Variants in SLC7A1 observed in about 807,000 individuals in gnomAD.
SLC7A1 encodes the protein high affinity cationic amino acid transporter 1.
A neutral mutation model predicts 53.9 loss-of-function variants in SLC7A1; 10 were observed. The observed-to-expected ratio is 0.19, with a 90% CI of 0.11 to 0.31. The LOEUF (loss-of-function observed/expected upper bound fraction) is 0.31, where lower values mean the gene tolerates loss of function less well. Among genes scored for constraint, SLC7A1 ranks in the 10% least tolerant of loss-of-function variants. SLC7A1 has a pLI of 1.00. For synonymous variants in SLC7A1, 342 were observed against 338.7 expected, an observed-to-expected ratio of 1.01 and a Z score of -0.11; for missense variants, 525 against 827.2, an observed-to-expected ratio of 0.63 and a Z score of 4.48.
At chr13:29,590,878 T>C (rs115357129) in intron 1 of SLC7A1, among the ~76,000 whole-genome samples, 2,826 of 152,230 alleles carry the variant, frequency 0.019, 77 homozygotes, top group African/African-American at 0.065. Flanking sequence ...GCGAGGCAGG[T>C]GGATCACTTG....
intron 1 of SLC7A1, among the ~76,000 whole-genome samples, chr13:29,585,876 T>C (rs1271712065): frequency 6.6e-6 from 1 of 152,200 alleles, no homozygotes; most frequent in African/African-American, 2.4e-5. Context: ...GCTGCATTTT[T>C]AGATAACTAT....
At chr13:29,535,572 C>T (rs891693004) in intron 3 of SLC7A1, among the ~76,000 whole-genome samples, 2 of 152,172 alleles carry the variant, frequency 1.3e-5, no homozygotes, top group East Asian at 3.9e-4. Flanking sequence ...CAGGGTATTT[C>T]TACTTTCTTC....
rs2776948 is a variant in SLC7A1 at position 29,570,405 on chromosome 13, G to A, written c.-114-16545C>T. ...CGCTGTGTGAACTTGAACAAGTTAC[G>A]CTATGTTGCTGTTTCAGTTCTACCA... On this transcript the variant is annotated intron_variant, in intron 1 of 12. Coordinates refer to ENST00000380752, the MANE Select transcript of SLC7A1 (RefSeq NM_003045.5). Among the ~76,000 whole-genome samples the A allele has an allele frequency of 4.6e-5, 7 of 152,304 alleles. No homozygotes were observed. In the East Asian group the frequency reaches 1.3e-3, roughly 29 times the overall value.
intron 2 of SLC7A1, among the ~76,000 whole-genome samples, chr13:29,544,913 C>T (rs1353760825): frequency 6.6e-6 from 1 of 151,388 alleles, no homozygotes; most frequent in Non-Finnish European, 1.5e-5. Flanking sequence ...TCGGCCCCCT[C>T]AAGATGCTCC....
intron 1 of SLC7A1, among the ~76,000 whole-genome samples, chr13:29,564,724 G>A (rs1032705152): frequency 1.3e-5 from 2 of 152,214 alleles, no homozygotes; most frequent in African/African-American, 2.4e-5. Flanking sequence ...AGCTGAATAA[G>A]CCTGGGCAAA....
At chr13:29,591,389 T>A (rs1467325815) in intron 1 of SLC7A1, among the ~76,000 whole-genome samples, 2 of 152,214 alleles carry the variant, frequency 1.3e-5, no homozygotes, top group African/African-American at 4.8e-5. Flanking sequence ...GGCTCTGCTC[T>A]TTCTGCCAGT....
chr13:29,552,584 G>A (rs1294871125), intron 2 of SLC7A1, among the ~76,000 whole-genome samples: 1 of 152,126 alleles, frequency 6.6e-6, no homozygotes, highest in African/African-American at 2.4e-5. Flanking sequence ...GGCCCACCGA[G>A]GATGGAAAAC....
intron 8 of SLC7A1, among the ~76,000 whole-genome samples, chr13:29,521,864 G>C (rs1363824460): frequency 6.6e-6 from 1 of 152,152 alleles, no homozygotes; most frequent in Non-Finnish European, 1.5e-5. Flanking sequence ...TACTCTCTGG[G>C]GAAGAGGCGG....
At chr13:29,565,082 CTTAA>C (rs1259644656) in intron 1 of SLC7A1, among the ~76,000 whole-genome samples, 1 of 152,180 alleles carries the variant, frequency 6.6e-6, no homozygotes, top group Non-Finnish European at 1.5e-5. Flanking sequence ...ATAATCAGCT[CTTAA>C]TTAATGGTTT....
chr13:29,517,064 G>A, intron 11 of SLC7A1, 80 bp downstream of exon 11: 2 of 1,384,326 alleles, frequency 1.4e-6, no homozygotes, highest in Non-Finnish European at 1.9e-6. Flanking sequence ...AGGCCCGGCT[G>A]AGCCCACGCA....
At chr13:29,586,039 A>C (rs1871866008) in intron 1 of SLC7A1, among the ~76,000 whole-genome samples, 1 of 152,260 alleles carries the variant, frequency 6.6e-6, no homozygotes. Flanking sequence ...AAGTAAGAAG[A>C]AGCTGTAATT....
chr13:29,532,846 C>A lies in SLC7A1; in HGVS notation c.507G>T (p.Val169=). Reference sequence around the variant, plus strand: ...TACCTGTCAAGATGAGAATTATGATCACTGCGAATATGTCGGGGTTTTCAG... The same window carrying A: ...TACCTGTCAAGATGAGAATTATGATAACTGCGAATATGTCGGGGTTTTCAG... ...VLAENPDIFA[V]IIILILTGLL... is the part of the protein sequence containing the mutation. Residue 169 remains valine (V), a synonymous_variant, in exon 4 of 13, where the codon GTG becomes GTT. Coordinates refer to ENST00000380752, the MANE Select transcript of SLC7A1 (RefSeq NM_003045.5). 1 of 1,613,224 alleles carries A rather than the reference C, an allele frequency of 6.2e-7. No homozygotes were observed. Among genetic ancestry groups the A allele is most frequent in the South Asian group, 1.1e-5 (1 of 90,890 alleles).
Position 29,562,459 on chromosome 13 carries a change from A to G in SLC7A1, c.-114-8599T>C, listed in dbSNP as rs139102989. 1.8e-3 allele frequency among the ~76,000 whole-genome samples: 275 copies of G among 152,316 alleles called. 3 individuals are homozygous for G. The highest frequency in any genetic ancestry group is 6.3e-3 in the African/African-American group (261 of 41,574). On this transcript the variant is annotated intron_variant, in intron 1 of 12. Coordinates refer to ENST00000380752, the MANE Select transcript of SLC7A1 (RefSeq NM_003045.5). ...GCTCAAAGGAAACGCTCGCTGGAGC[A>G]TTTTCAGTTTCAGACTTTTTTGGAT...
intron 1 of SLC7A1, among the ~76,000 whole-genome samples, chr13:29,562,528 G>A (rs946793137): frequency 4.6e-5 from 7 of 152,140 alleles, no homozygotes; most frequent in Non-Finnish European, 8.8e-5. Flanking sequence ...AGTTCAATCT[G>A]AAAAAATCCC....
intron 1 of SLC7A1, among the ~76,000 whole-genome samples, chr13:29,576,663 C>A (rs1490709235): frequency 2.0e-5 from 3 of 151,972 alleles, no homozygotes; most frequent in Middle Eastern, 3.2e-3. Flanking sequence ...CTGTGGGCTT[C>A]CAGGACAACA....
chr13:29,526,511 T>C (rs1566256096), intron 5 of SLC7A1, among the ~76,000 whole-genome samples: 1 of 151,820 alleles, frequency 6.6e-6, no homozygotes, highest in South Asian at 2.1e-4. Context: ...TTTTAAAAAT[T>C]AAAAAATAAA....
chr13:29,538,770 C>T (rs1593552864), intron 2 of SLC7A1, among the ~76,000 whole-genome samples: 2 of 152,344 alleles, frequency 1.3e-5, no homozygotes, highest in African/African-American at 4.8e-5. Flanking sequence ...TGCAACATAG[C>T]CCTCAGCTGA....
chr13:29,550,044 T>C (rs1870103051), intron 2 of SLC7A1, among the ~76,000 whole-genome samples: 1 of 152,208 alleles, frequency 6.6e-6, no homozygotes. Flanking sequence ...CTCTGCAGTC[T>C]CCACTGCCAC....
At chr13:29,571,483 C>T (rs553862457) in intron 1 of SLC7A1, among the ~76,000 whole-genome samples, 1 of 152,330 alleles carries the variant, frequency 6.6e-6, no homozygotes, top group Admixed American at 6.5e-5. Context: ...AAGAGCTGGC[C>T]ATGGCTGTGG....
Sources: gnomAD v4.1 joint callset for allele counts (sites outside exome capture counted in the v4.1 genomes callset) on GRCh38, gnomAD v4.1.1 for gene constraint, MANE v1.5 for transcripts, NCBI Gene and HGNC (gene_info 2026-07-23, HGNC 2026-07-21) for gene names.